Variants in ARHGEF10 observed in about 807,000 individuals in gnomAD.
ARHGEF10 encodes Rho guanine nucleotide exchange factor 10, also known as Rho guanine nucleotide exchange factor (GEF) 10.
A neutral mutation model predicts 147.4 loss-of-function variants in ARHGEF10; 140 were observed. The observed-to-expected ratio is 0.95, with a 90% CI of 0.83 to 1.09. The LOEUF (loss-of-function observed/expected upper bound fraction) is 1.09, where lower values mean the gene tolerates loss of function less well. Ranked by LOEUF, ARHGEF10 falls within the 50% of genes least tolerant of loss-of-function variation. The probability of loss-of-function intolerance (pLI) is 0.00; values close to 1 mark genes in which losing one functional copy is unlikely to be tolerated. For missense variants in ARHGEF10, 2,222 were observed against 1,752.7 expected (o/e 1.27, Z -4.78); for synonymous variants, 902 against 695.8 (o/e 1.30, Z -4.67).
chr8:1,931,546 G>A (rs534332049), intron 25 of ARHGEF10, among the ~76,000 whole-genome samples: 17 of 152,240 alleles, frequency 1.1e-4, no homozygotes, highest in African/African-American at 4.1e-4. Flanking sequence ...GCTGTCCGGC[G>A]TACCGTGTGG....
At position 1,956,876 on chromosome 8, in the gene ARHGEF10, C is replaced by T. The variant is rs200561292; in HGVS notation, c.3648C>T (p.Asp1216=). 2.2e-4 allele frequency: 360 copies of T among 1,614,094 alleles called. 4 individuals carry two copies. In the East Asian group the frequency reaches 5.3e-3, roughly 24 times the overall value. The stretch of plus-strand genomic sequence containing the variant: ...TGGCTCCTGGCCCCGAGCCTCAGGA[C>T]GAAGACCAGAAGGACGCACTTCCGA... ...DSLAPGPEPQ[D]EDQKDALPSG... is the part of the protein sequence containing the mutation. The change falls in exon 29 of 29, where the codon GAC becomes GAT. Residue 1216 remains aspartate (D), a synonymous_variant. Coordinates refer to ENST00000349830, the MANE Select transcript of ARHGEF10 (RefSeq NM_014629.4).
rs560561603 is a variant in ARHGEF10 at position 1,879,907 on chromosome 8, C to G, written c.844-141C>G. The G allele has an allele frequency of 9.4e-6, 7 of 744,392 alleles. No individual in the cohort carries two copies. In the African/African-American group the frequency reaches 1.0e-4, roughly 11 times the overall value. The allele number at this position is 744,392 out of a possible 1,614,324, so 46.1% of individuals were successfully genotyped here. A position where few individuals can be genotyped will look rare whatever the true frequency, so the allele number is the denominator to read the frequency against. On this transcript the variant is annotated intron_variant, in intron 8 of 28. Coordinates refer to ENST00000349830, the MANE Select transcript of ARHGEF10 (RefSeq NM_014629.4). The stretch of plus-strand genomic sequence containing the variant: ...CAACTGGGCTAGTAATGGGGACTCT[C>G]GCGTGTGGTCCCAGAAGCCCCCAGC...
intron 2 of ARHGEF10, among the ~76,000 whole-genome samples, chr8:1,854,636 A>G (rs1254931054): frequency 5.3e-5 from 8 of 152,172 alleles, no homozygotes; most frequent in Non-Finnish European, 1.0e-4. Flanking sequence ...TAAACTAACA[A>G]GATTTAAACT....
intron 18 of ARHGEF10, among the ~76,000 whole-genome samples, chr8:1,920,214 C>T: frequency 6.6e-6 from 1 of 152,202 alleles, no homozygotes; most frequent in East Asian, 1.9e-4. Context: ...TAGAGCCGCA[C>T]ACCAAAAATA....
chr8:1,919,078 CA>C (rs1178020562), intron 18 of ARHGEF10, among the ~76,000 whole-genome samples: 2 of 133,638 alleles, frequency 1.5e-5, no homozygotes, highest in Non-Finnish European at 1.6e-5. Context: ...AGAGCTGTTC[CA>C]GGGGTGATGG....
chr8:1,853,054 G>GCTGGCGGGTGGTTAGATTTGGGCCGGGCA (rs59426827), intron 2 of ARHGEF10, among the ~76,000 whole-genome samples: 15 of 151,994 alleles, frequency 9.9e-5, no homozygotes, highest in Non-Finnish European at 1.9e-4. Flanking sequence ...TGGGCCGGGC[G>GCTGGCGGGTGGTTAGATTTGGGCCGGGCA]CTGGCGGGTG....
At chr8:1,919,077 C>G (rs1811989955) in intron 18 of ARHGEF10, among the ~76,000 whole-genome samples, 1 of 141,272 alleles carries the variant, frequency 7.1e-6, no homozygotes. Context: ...TAGAGCTGTT[C>G]CAGGGGTGAT....
In ARHGEF10 at chr8:1,926,403, A is replaced by G. The variant is rs751927905; in HGVS notation, c.2637A>G (p.Glu879=). The G allele has an allele frequency of 1.4e-5, 23 of 1,614,000 alleles. No homozygotes were observed. The African/African-American group carries it at 2.1e-4, about 15-fold the overall frequency. The change falls in exon 23 of 29, where the codon GAA becomes GAG. Residue 879 remains glutamate, a synonymous_variant. Transcript: ENST00000349830. ...TTGAATGTGCTGCTTATAACCCTGA[A>G]CCTTACCTAAATAATGAAAGCCAGC... ...FKIECAAYNP[E]PYLNNESQPD...
At chr8:1,870,178 C>T (rs1192449770) in intron 7 of ARHGEF10, 1 of 150,560 alleles carries the variant, frequency 6.6e-6, no homozygotes, top group African/African-American at 2.5e-5. Flanking sequence ...CCGTTCATGC[C>T]GTGTGTTCTG....
chr8:1,890,854 T>G (rs1009764603), intron 11 of ARHGEF10, among the ~76,000 whole-genome samples: 2 of 152,096 alleles, frequency 1.3e-5, no homozygotes, highest in African/African-American at 4.8e-5. Context: ...GGGTACTGAT[T>G]TTGGTGGATT....
At position 1,845,064 on chromosome 8, in the gene ARHGEF10, G is replaced by A. The variant is rs531625434; in HGVS notation, c.37+1628G>A. ...TGGGGTGGGAGGTTCACTTGAGCAC[G>A]GGAAGTTGAGGCTGCAGTGAGCCGA... On this transcript the variant is annotated intron_variant, in intron 2 of 28. Coordinates refer to ENST00000349830, the MANE Select transcript of ARHGEF10 (RefSeq NM_014629.4). 3.9e-5 allele frequency among the ~76,000 whole-genome samples: 6 copies of A among 152,286 alleles called. No individual in the cohort carries two copies. In the South Asian group the frequency reaches 1.0e-3, roughly 26 times the overall value.
chr8:1,886,026 A>C (rs990262117), intron 11 of ARHGEF10, among the ~76,000 whole-genome samples: 2 of 152,152 alleles, frequency 1.3e-5, no homozygotes, highest in African/African-American at 4.8e-5. Flanking sequence ...TCAGTCACAC[A>C]GTTTTTACTT....
At chr8:1,843,306 T>C (rs1215231434) in intron 1 of ARHGEF10, 47 bp from the exon 2 acceptor site, 4 of 1,498,566 alleles carry the variant, frequency 2.7e-6, no homozygotes, top group East Asian at 2.3e-5. Flanking sequence ...ATTGAGTGCA[T>C]GTTTATCCAC....
At chr8:1,905,092 G>C (rs976734246) in intron 16 of ARHGEF10, among the ~76,000 whole-genome samples, 2 of 152,190 alleles carry the variant, frequency 1.3e-5, no homozygotes, top group African/African-American at 4.8e-5. Flanking sequence ...TTGTGCGGCT[G>C]CACTCCAGCC....
chr8:1,954,160 C>G (rs1162452032), intron 28 of ARHGEF10, among the ~76,000 whole-genome samples: 2 of 152,010 alleles, frequency 1.3e-5, no homozygotes, highest in Non-Finnish European at 2.9e-5. Context: ...GTGGCACAGT[C>G]TCGGCTCACT....
In ARHGEF10 at chr8:1,928,349, T is replaced by C. The variant is rs978846790; in HGVS notation, c.2698-78T>C. The C allele has an allele frequency of 9.5e-6, 13 of 1,373,116 alleles. No individual in the cohort carries two copies. In the East Asian group the frequency reaches 2.5e-4, roughly 27 times the overall value. The allele number at this position is 1,373,116 out of a possible 1,614,324, so 85.1% of individuals were successfully genotyped here. A position where few individuals can be genotyped will look rare whatever the true frequency, so the allele number is the denominator to read the frequency against. On this transcript the variant is annotated intron_variant, in intron 23 of 28. Coordinates refer to ENST00000349830, the MANE Select transcript of ARHGEF10 (RefSeq NM_014629.4). ...ATGAAAATCGAAGCTTGTCGTGGCC[T>C]TTAAGGGTCAGGTTCCAGCGTATTA...
At chr8:1,866,848 C>G (rs1249938066) in intron 6 of ARHGEF10, among the ~76,000 whole-genome samples, 1 of 152,276 alleles carries the variant, frequency 6.6e-6, no homozygotes, top group Non-Finnish European at 1.5e-5. Flanking sequence ...TCGTTTCTTT[C>G]TAGCACAGGC....
chr8:1,869,060 TA>T (rs970851183), intron 6 of ARHGEF10, 133 bp from the exon 7 acceptor site: 255 of 726,054 alleles, frequency 3.5e-4, no homozygotes, highest in Middle Eastern at 7.1e-4. Context: ...AAGTAAAAAA[TA>T]AAAAAAAAAC....
intron 14 of ARHGEF10, among the ~76,000 whole-genome samples, chr8:1,897,777 G>A (rs1810124804): frequency 6.6e-6 from 1 of 152,148 alleles, no homozygotes; most frequent in South Asian, 2.1e-4. Context: ...TGCCAGCCGT[G>A]GCCGTGACCG....
Sources: allele counts gnomAD v4.1 joint callset (sites outside exome capture counted in the v4.1 genomes callset), GRCh38; gene constraint gnomAD v4.1.1; transcripts MANE v1.5; gene names NCBI Gene and HGNC (gene_info 2026-07-23, HGNC 2026-07-21).